PKHD1: variants seen among roughly 807,000 people sequenced by gnomAD.
The protein encoded by PKHD1 is PKHD1 ciliary IPT domain containing fibrocystin/polyductin.
A neutral mutation model predicts 412.0 loss-of-function variants in PKHD1; 291 were observed. The observed-to-expected ratio is 0.71, with a 90% CI of 0.64 to 0.78. The LOEUF (loss-of-function observed/expected upper bound fraction) is 0.78. Among genes scored for constraint, PKHD1 ranks in the 30% least tolerant of loss-of-function variants. PKHD1 has a pLI of 0.00. For synonymous variants in PKHD1, 1,777 were observed against 1,821.5 expected (o/e 0.98, Z 0.62); for missense variants, 4,825 against 4,950.7 (o/e 0.97, Z 0.76).
intron 52 of PKHD1, among the ~76,000 whole-genome samples, chr6:51,823,222 G>C (rs766250473): frequency 1.7e-4 from 26 of 152,146 alleles, no homozygotes; most frequent in Non-Finnish European, 3.4e-4. Context: ...CTGGGAGACT[G>C]AGGTGGAGTA....
At chr6:51,765,399 CCT>C (rs2151087656) in intron 55 of PKHD1, among the ~76,000 whole-genome samples, 1 of 152,250 alleles carries the variant, frequency 6.6e-6, no homozygotes, top group African/African-American at 2.4e-5. Flanking sequence ...TCCCCTTTGA[CCT>C]CTTATACCTG....
Position 51,939,781 on chromosome 6 carries a change from C to G in PKHD1, c.5909-5459G>C, listed in dbSNP as rs980965871. Reference sequence around the variant, plus strand: ...AGCATCACTGAGTCTTTCTAATCTTCCTTTTCTACAGACCCATCTGACTTC... The same window carrying G: ...AGCATCACTGAGTCTTTCTAATCTTGCTTTTCTACAGACCCATCTGACTTC... On this transcript the variant is annotated intron_variant, in intron 36 of 66. Transcript: ENST00000371117. 1.7e-4 allele frequency among the ~76,000 whole-genome samples: 26 copies of G among 151,464 alleles called. 1 individual carries two copies. The highest frequency in any genetic ancestry group is 6.3e-4 in the African/African-American group (26 of 41,428).
chr6:51,724,471 G>A (rs1236864088), intron 60 of PKHD1, among the ~76,000 whole-genome samples: 1 of 152,074 alleles, frequency 6.6e-6, no homozygotes, highest in African/African-American at 2.4e-5. Context: ...TAATAAATTT[G>A]CATGCCGTTT....
chr6:51,962,267 C>T (rs1464157951), intron 35 of PKHD1, among the ~76,000 whole-genome samples: 1 of 152,066 alleles, frequency 6.6e-6, no homozygotes, highest in Non-Finnish European at 1.5e-5. Context: ...AACCAGGGCT[C>T]ATTACACACA....
intron 43 of PKHD1, among the ~76,000 whole-genome samples, chr6:51,899,628 A>C (rs1780864917): frequency 6.6e-6 from 1 of 151,246 alleles, no homozygotes; most frequent in Non-Finnish European, 1.5e-5. Context: ...GCCCTCTCTC[A>C]CCACTCCTAT....
intron 37 of PKHD1, among the ~76,000 whole-genome samples, chr6:51,932,246 CA>C (rs1786742313): frequency 6.6e-6 from 1 of 152,212 alleles, no homozygotes; most frequent in South Asian, 2.1e-4. Flanking sequence ...ATTTAAAATA[CA>C]GGCACAAAAG....
chr6:51,637,911 C>CA (rs1042618803), intron 64 of PKHD1, among the ~76,000 whole-genome samples: 37 of 149,180 alleles, frequency 2.5e-4, no homozygotes, highest in Middle Eastern at 3.4e-3. Flanking sequence ...CTCAAAAAAA[C>CA]AAAAAAAAAT....
At chr6:52,030,037 A>T (rs1336842782) in intron 29 of PKHD1, among the ~76,000 whole-genome samples, 1 of 152,238 alleles carries the variant, frequency 6.6e-6, no homozygotes, top group Non-Finnish European at 1.5e-5. Context: ...CCTGTGTCCC[A>T]GTGTGGCCAC....
chr6:51,746,040 G>A (rs1438894497), intron 59 of PKHD1, among the ~76,000 whole-genome samples: 2 of 151,810 alleles, frequency 1.3e-5, no homozygotes, highest in African/African-American at 4.8e-5. Context: ...CCCCAGTGTT[G>A]TGGGAAAGAA....
chr6:51,887,280 C>A (rs776735367), intron 43 of PKHD1, 35 bp from the exon 44 acceptor site: 1 of 1,303,864 alleles, frequency 7.7e-7, no homozygotes, highest in South Asian at 1.2e-5. Context: ...AAATAGTTAC[C>A]CCATGTATGA....
chr6:51,752,458 G>T (rs771409136), intron 57 of PKHD1, among the ~76,000 whole-genome samples: 2 of 152,190 alleles, frequency 1.3e-5, no homozygotes, highest in African/African-American at 2.4e-5. Flanking sequence ...TTAAATGTCT[G>T]ATTTAAGGTC....
intron 18 of PKHD1, 36 bp downstream of exon 18, chr6:52,056,662 T>C (rs1267614575): frequency 2.0e-5 from 28 of 1,396,570 alleles, no homozygotes; most frequent in Non-Finnish European, 2.5e-5. Flanking sequence ...AAGACCATGA[T>C]GAAAAAGACA....
chr6:51,815,611 G>A (rs928245293), intron 52 of PKHD1, among the ~76,000 whole-genome samples: 6 of 151,942 alleles, frequency 3.9e-5, no homozygotes, highest in African/African-American at 1.5e-4. Context: ...ATGCATGCAG[G>A]AGAACAGCAG....
chr6:51,759,005 T>C (rs1379798725), intron 55 of PKHD1, among the ~76,000 whole-genome samples: 1 of 152,152 alleles, frequency 6.6e-6, no homozygotes, highest in Non-Finnish European at 1.5e-5. Flanking sequence ...TCACAAAACA[T>C]GCCCTGTCTC....
intron 53 of PKHD1, among the ~76,000 whole-genome samples, chr6:51,781,079 T>C (rs1212838550): frequency 2.6e-5 from 4 of 152,136 alleles, no homozygotes; most frequent in Admixed American, 2.6e-4. Flanking sequence ...GCATAACCAT[T>C]TTTCTCATGC....
chr6:52,032,393 G>A (rs543655252), intron 29 of PKHD1, among the ~76,000 whole-genome samples: 3 of 152,202 alleles, frequency 2.0e-5, no homozygotes, highest in African/African-American at 7.2e-5. Flanking sequence ...CATATCCTCT[G>A]AATCATCAAA....
intron 58 of PKHD1, among the ~76,000 whole-genome samples, chr6:51,747,164 T>G (rs1193245020): frequency 2.0e-5 from 3 of 152,152 alleles, no homozygotes; most frequent in Non-Finnish European, 4.4e-5. Context: ...ATCCATTCAT[T>G]TTACAGAAAG....
intron 38 of PKHD1, 134 bp from the exon 39 acceptor site, chr6:51,912,090 T>A: frequency 1.3e-6 from 1 of 756,650 alleles, no homozygotes; most frequent in Non-Finnish European, 2.2e-6. Context: ...TACCAAATAG[T>A]GAACTATAGA....
chr6:51,778,395 G>C (rs1287824762), intron 53 of PKHD1, among the ~76,000 whole-genome samples: 1 of 152,176 alleles, frequency 6.6e-6, no homozygotes, highest in East Asian at 1.9e-4. Context: ...GATGAATACA[G>C]TTGAGGTTCT....
Sources: gnomAD v4.1 joint callset for allele counts (sites outside exome capture counted in the v4.1 genomes callset) on GRCh38, gnomAD v4.1.1 for gene constraint, MANE v1.5 for transcripts, NCBI Gene and HGNC (gene_info 2026-07-23, HGNC 2026-07-21) for gene names.